ABCB11: variants seen among roughly 807,000 people sequenced by gnomAD.
The protein encoded by ABCB11 is bile salt export pump.
ABCB11 carries 95 observed loss-of-function variants against 148.0 expected under a neutral mutation model. The ratio of observed to expected loss-of-function variants is 0.64; its 90% confidence interval spans 0.54 to 0.76. The LOEUF (loss-of-function observed/expected upper bound fraction) is 0.76. Ranked by LOEUF, ABCB11 falls within the 30% of genes least tolerant of loss-of-function variation. The probability of loss-of-function intolerance (pLI) is 0.00; values close to 1 mark genes in which losing one functional copy is unlikely to be tolerated. For synonymous variants in ABCB11, 591 were observed against 555.4 expected (o/e 1.06, Z -0.90); for missense variants, 1,523 against 1,617.8 (o/e 0.94, Z 1.01).
chr2:168,918,976 GTTTC>G (rs1180655340), downstream of ABCB11, among the ~76,000 whole-genome samples: 1 of 151,634 alleles, frequency 6.6e-6, no homozygotes, highest in Non-Finnish European at 1.5e-5. Flanking sequence ...TCTTTTAGCA[GTTTC>G]TTTCAGTATT....
chr2:169,030,755 G>T (rs1302145890), intron 1 of ABCB11, among the ~76,000 whole-genome samples: 1 of 151,926 alleles, frequency 6.6e-6, no homozygotes, highest in African/African-American at 2.4e-5. Flanking sequence ...GGACAATGAA[G>T]AAATGAGTAC....
In ABCB11 at chr2:168,971,877, A is replaced by G. The variant is rs1227759001; in HGVS notation, c.1608T>C (p.Asn536=). ...GCAGGTCCATGATGAAGTTGTAGGC[A>G]TTGGCCTCCTTGGCAGCTTGGACTA... The part of the protein sequence containing the change: ...EDIVQAAKEA[N]AYNFIMDLPQ... Residue 536 remains asparagine (N), a synonymous_variant, in exon 14 of 28, where the codon AAT becomes AAC. Coordinates refer to ENST00000650372, the MANE Select transcript of ABCB11 (RefSeq NM_003742.4). 1.9e-6 allele frequency: 3 copies of G among 1,612,922 alleles called. No homozygotes were observed. The highest frequency in any genetic ancestry group is 2.2e-5 in the East Asian group (1 of 44,812).
At chr2:169,015,671 A>ACCC (rs1211399430) in intron 3 of ABCB11, among the ~76,000 whole-genome samples, 8 of 149,298 alleles carry the variant, frequency 5.4e-5, no homozygotes, top group South Asian at 2.1e-4. Flanking sequence ...TTTCAACCCC[A>ACCC]CCCCCCACGC....
intron 1 of ABCB11, among the ~76,000 whole-genome samples, chr2:169,020,490 C>T (rs918872041): frequency 1.3e-5 from 2 of 151,778 alleles, no homozygotes; most frequent in Non-Finnish European, 2.9e-5. Flanking sequence ...GCATAACAAA[C>T]AGAAAACATA....
At chr2:168,978,132 CTTT>C (rs35964117) in intron 11 of ABCB11, among the ~76,000 whole-genome samples, 1,215 of 52,602 alleles carry the variant, frequency 0.023, 2 homozygotes, top group Non-Finnish European at 0.027. Context: ...AATAAATTGA[CTTT>C]TTTTTTTTTT....
At chr2:168,976,216 C>T (rs566233802) in intron 12 of ABCB11, among the ~76,000 whole-genome samples, 3 of 152,196 alleles carry the variant, frequency 2.0e-5, no homozygotes, top group South Asian at 2.1e-4. Context: ...GCAGTCTCTG[C>T]GAAGGTTGGG....
At position 168,990,891 on chromosome 2, in the gene ABCB11, G is replaced by A. The variant is rs1694494141; in HGVS notation, c.818C>T (p.Ala273Val). ...AGCCACCACCCCTGCTTTGGCATAG[G>A]CCTTCAGCTCATAGTCCGTAAACTT... is the stretch of plus-strand genomic sequence containing the variant. ...VSKFTDYELKAYAKAGVVADE... is the reference protein window; with the variant it reads ...VSKFTDYELKVYAKAGVVADE... The change falls in exon 9 of 28, where the codon GCC becomes GTC. Residue 273 changes from alanine (A) to valine (V), a missense_variant. Coordinates refer to ENST00000650372, the MANE Select transcript of ABCB11 (RefSeq NM_003742.4). The A allele has an allele frequency of 6.2e-7, 1 of 1,613,082 alleles. No individual in the cohort carries two copies. The highest frequency in any genetic ancestry group is 8.5e-7 in the Non-Finnish European group (1 of 1,179,364).
intron 5 of ABCB11, among the ~76,000 whole-genome samples, chr2:169,010,535 T>C (rs1433356036): frequency 6.6e-6 from 1 of 152,282 alleles, no homozygotes; most frequent in East Asian, 1.9e-4. Context: ...AATTATTGGG[T>C]TGTCTTGTAT....
Position 168,923,810 on chromosome 2 carries a change from C to G in ABCB11, c.3778G>C (p.Ala1260Pro), listed in dbSNP as rs772097949. 16 of 1,613,912 alleles carry G rather than the reference C, an allele frequency of 9.9e-6. No individual in the cohort carries two copies. The South Asian group carries it at 1.8e-4, about 18-fold the overall frequency. The change falls in exon 28 of 28, where the codon GCT becomes CCT. Residue 1260 changes from alanine (A) to proline (P), a missense_variant. Transcript: ENST00000650372. ...CGACCCTCTCTGGCTTTGTCTAGAG[C>G]AACCTGCACCGTCTGCAAAGAGAAG... ...DTESEKTVQVALDKAREGRTC... is the reference protein window; with the variant it reads ...DTESEKTVQVPLDKAREGRTC...
rs1294035913 is a variant in ABCB11, at chr2:169,005,645, AAGCGGACACAC to A, written c.389+7616_389+7626del. 2.6e-5 allele frequency among the ~76,000 whole-genome samples: 4 copies of A among 152,144 alleles called. No homozygotes were observed. The East Asian group carries it at 7.7e-4, about 29-fold the overall frequency. Reference sequence around the variant, plus strand: ...CCACAAGCCTCCCCATTGAGAAAGCAAGCGGACACACAGTTTTTTGGCATCCCAGGAAGCCT... The same window carrying A: ...CCACAAGCCTCCCCATTGAGAAAGCAAGTTTTTTGGCATCCCAGGAAGCCT... On this transcript the variant is annotated intron_variant, in intron 5 of 27. Coordinates refer to ENST00000650372, the MANE Select transcript of ABCB11 (RefSeq NM_003742.4).
At chr2:168,982,561 C>G (rs946253015) in intron 10 of ABCB11, among the ~76,000 whole-genome samples, 1 of 152,108 alleles carries the variant, frequency 6.6e-6, no homozygotes, top group African/African-American at 2.4e-5. Flanking sequence ...CATTTTTTCT[C>G]TGTGCACAAG....
chr2:169,008,538 C>A (rs1179788235), intron 5 of ABCB11, among the ~76,000 whole-genome samples: 2 of 152,154 alleles, frequency 1.3e-5, no homozygotes, highest in Non-Finnish European at 2.9e-5. Flanking sequence ...TCTGCATAGA[C>A]CCTTTTCCCA....
intron 19 of ABCB11, 134 bp from the exon 20 acceptor site, chr2:168,945,095 G>T: frequency 1.6e-6 from 1 of 617,016 alleles, no homozygotes; most frequent in Non-Finnish European, 2.8e-6. Flanking sequence ...AACACCAAGA[G>T]TGAACCCTAA....
chr2:168,974,363 C>G (rs10176934), intron 12 of ABCB11, among the ~76,000 whole-genome samples: 86,745 of 151,644 alleles, frequency 0.57, 25,035 homozygotes, highest in East Asian at 0.72. Flanking sequence ...GTGTTTGCTA[C>G]GTAGAGGCTG....
chr2:168,933,655 T>C (rs1052112124), intron 23 of ABCB11, among the ~76,000 whole-genome samples: 31 of 152,182 alleles, frequency 2.0e-4, no homozygotes, highest in Non-Finnish European at 8.8e-5. Context: ...CCTAAGGGAA[T>C]GAAAAGCACT....
chr2:169,011,075 C>A (rs1045737077), intron 5 of ABCB11, among the ~76,000 whole-genome samples: 1 of 152,106 alleles, frequency 6.6e-6, no homozygotes, highest in African/African-American at 2.4e-5. Context: ...TAATAGATGG[C>A]TATGATGCAA....
At chr2:168,989,299 G>A (rs1478884006) in intron 9 of ABCB11, among the ~76,000 whole-genome samples, 2 of 152,042 alleles carry the variant, frequency 1.3e-5, no homozygotes, top group African/African-American at 4.8e-5. Flanking sequence ...GTTGATATTT[G>A]TGTATAGTGT....
chr2:169,014,223 TA>T, intron 4 of ABCB11, 79 bp downstream of exon 4: 1 of 1,397,090 alleles, frequency 7.2e-7, no homozygotes, highest in Non-Finnish European at 1.0e-6. Flanking sequence ...CCAATATGAC[TA>T]AAGATTTAAC....
intron 18 of ABCB11, 115 bp downstream of exon 18, chr2:168,964,091 T>C: frequency 1.5e-6 from 1 of 685,448 alleles, no homozygotes; most frequent in Non-Finnish European, 2.5e-6. Context: ...TTAGTCTGAC[T>C]TGAAACACTG....
Sources: gnomAD v4.1 joint callset for allele counts (sites outside exome capture counted in the v4.1 genomes callset) on GRCh38, gnomAD v4.1.1 for gene constraint, MANE v1.5 for transcripts, NCBI Gene and HGNC (gene_info 2026-07-23, HGNC 2026-07-21) for gene names.